PTGER3: variants seen among roughly 807,000 people sequenced by gnomAD.
PTGER3 encodes the protein prostaglandin E receptor 3.
A neutral mutation model predicts 34.7 loss-of-function variants in PTGER3; 22 were observed. That is an observed-to-expected ratio of 0.63 (90% confidence interval 0.45 to 0.91). The LOEUF (loss-of-function observed/expected upper bound fraction) is 0.91. Ranked by LOEUF, PTGER3 falls within the 40% of genes least tolerant of loss-of-function variation. PTGER3 has a pLI of 0.00. For synonymous variants in PTGER3, 241 were observed against 230.1 expected, an observed-to-expected ratio of 1.05 and a Z score of -0.43; for missense variants, 468 against 519.4, an observed-to-expected ratio of 0.90 and a Z score of 0.96.
chr1:71,028,808 A>G (rs1489845453), intron 1 of PTGER3, among the ~76,000 whole-genome samples: 1 of 152,220 alleles, frequency 6.6e-6, no homozygotes, highest in Admixed American at 6.5e-5. Flanking sequence ...CTTCTCTAGA[A>G]TTTTTATTAC....
intron 1 of PTGER3, among the ~76,000 whole-genome samples, chr1:71,030,809 A>T (rs1572979254): frequency 1.3e-5 from 2 of 151,846 alleles, no homozygotes; most frequent in East Asian, 3.9e-4. Context: ...CCATCACCAT[A>T]ATTATCTGAC....
rs570448402 is a variant in PTGER3, at chr1:70,945,636, TAAG to T, written c.*23+8124_*23+8126del. Among the ~76,000 whole-genome samples the T allele has an allele frequency of 8.4e-3, 1,281 of 152,258 alleles. 11 individuals carry two copies. Among genetic ancestry groups the T allele is most frequent in the Non-Finnish European group, 0.014 (927 of 67,992 alleles). On this transcript the variant is annotated intron_variant, in intron 4 of 4. Coordinates refer to the PTGER3 transcript ENST00000370931. ...TGCTTAAATTTGCTTCATGTCAAGT[TAAG>T]AAGAAAACACTCATAAAACAGCCAT...
At chr1:71,024,698 G>A (rs1408342562) in intron 1 of PTGER3, among the ~76,000 whole-genome samples, 1 of 140,126 alleles carries the variant, frequency 7.1e-6, no homozygotes, top group Non-Finnish European at 1.5e-5. Flanking sequence ...GGGATTACAG[G>A]TGCCCGCCAC....
chr1:70,931,931 T>G (rs959394155), intron 4 of PTGER3, among the ~76,000 whole-genome samples: 13 of 152,090 alleles, frequency 8.5e-5, no homozygotes, highest in African/African-American at 2.9e-4. Flanking sequence ...AAAAACTGGG[T>G]TTTTCTTTTC....
chr1:71,007,327 C>T (rs1182087049), intron 2 of PTGER3: 1 of 985,632 alleles, frequency 1.0e-6, no homozygotes, highest in African/African-American at 1.7e-5. Flanking sequence ...TGTACAAAAA[C>T]ATTTGATAAG....
intron 2 of PTGER3, among the ~76,000 whole-genome samples, chr1:71,000,512 T>C (rs1235942546): frequency 1.3e-5 from 2 of 152,196 alleles, no homozygotes; most frequent in Admixed American, 1.3e-4. Context: ...CATCCTTTAC[T>C]ATTAAGAAGC....
intron 1 of PTGER3, among the ~76,000 whole-genome samples, chr1:71,024,342 A>G (rs564190114): frequency 2.0e-5 from 3 of 152,300 alleles, no homozygotes; most frequent in African/African-American, 7.2e-5. Flanking sequence ...GACAAAAGCA[A>G]GCCTTAATAC....
chr1:70,971,007 C>T lies in PTGER3; in HGVS notation c.*723G>A. ...CTAACTGCGCAGCTAATCATTCAAC[C>T]TCAAATTTGTTTTTTATGACACTCC... On this transcript the variant is annotated 3_prime_UTR_variant, in exon 4 of 4. Coordinates refer to ENST00000306666, the MANE Select transcript of PTGER3 (RefSeq NM_198719.2). 1.0e-6 allele frequency: 1 copy of T among 985,340 alleles called. No individual in the cohort carries two copies. Among genetic ancestry groups the T allele is most frequent in the South Asian group, 4.7e-5 (1 of 21,286 alleles). The allele number at this position is 985,340 out of a possible 1,614,324, so 61.0% of individuals were successfully genotyped here.
intron 4 of PTGER3, among the ~76,000 whole-genome samples, chr1:70,853,101 A>G (rs879476324): frequency 2.6e-5 from 4 of 152,202 alleles, no homozygotes; most frequent in Non-Finnish European, 5.9e-5. Flanking sequence ...TTCTACAAAC[A>G]TCTACTAAAA....
intron 4 of PTGER3, among the ~76,000 whole-genome samples, chr1:70,881,992 A>C (rs1198398158): frequency 6.6e-6 from 1 of 152,034 alleles, no homozygotes; most frequent in Non-Finnish European, 1.5e-5. Flanking sequence ...GGGCAACAGG[A>C]AGCTGCACCT....
intron 4 of PTGER3, among the ~76,000 whole-genome samples, chr1:70,946,618 T>C (rs1361938314): frequency 6.6e-6 from 1 of 152,186 alleles, no homozygotes; most frequent in African/African-American, 2.4e-5. Context: ...AGTTAGTCCG[T>C]TGCTGTAAAG....
Position 71,047,094 on chromosome 1 carries a change from G to A in PTGER3, c.484C>T (p.Pro162Ser), listed in dbSNP as rs1177109819. 6.2e-7 allele frequency: 1 copy of A among 1,608,338 alleles called. No homozygotes were observed. The highest frequency in any genetic ancestry group is 1.1e-5 in the South Asian group (1 of 90,774). Residue 162 changes from proline to serine, a missense_variant, in exon 1 of 4, where the codon CCG becomes TCG. By Grantham distance (74) the Pro-to-Ser change is moderately conservative. This residue lies in a region of PTGER3 where 204 missense variants were observed against 230.8 expected (regional missense o/e 0.88). Coordinates refer to ENST00000306666, the MANE Select transcript of PTGER3 (RefSeq NM_198719.2). ...TTCATGTGGCTCGCATACCAGTGCGGCGCCCTGATGGCCAGCGCCCGCTCG... is the reference window on the plus strand; with the variant it reads ...TTCATGTGGCTCGCATACCAGTGCGACGCCCTGATGGCCAGCGCCCGCTCG... ...AVERALAIRA[P>S]HWYASHMKTR...
chr1:70,897,597 A>T (rs1402385604), intron 4 of PTGER3, among the ~76,000 whole-genome samples: 1 of 152,152 alleles, frequency 6.6e-6, no homozygotes, highest in Admixed American at 6.6e-5. Flanking sequence ...CCAAACTGGC[A>T]TATATCATAG....
chr1:70,898,705 G>A (rs574448466), intron 4 of PTGER3, among the ~76,000 whole-genome samples: 1 of 152,238 alleles, frequency 6.6e-6, no homozygotes, highest in East Asian at 1.9e-4. Flanking sequence ...TGTGAAATGA[G>A]GGTAATAATA....
At position 70,964,227 on chromosome 1, in the gene PTGER3, C is replaced by A. The variant is rs1052629869; in HGVS notation, c.1078-10438G>T. Among the ~76,000 whole-genome samples the A allele has an allele frequency of 3.9e-5, 6 of 152,178 alleles. 1 individual carries two copies. Among genetic ancestry groups the A allele is most frequent in the Admixed American group, 3.9e-4 (6 of 15,276 alleles). On this transcript the variant is annotated intron_variant, in intron 2 of 3. Transcript: ENST00000356595. ...AATTCTCTAGGAAGTTCCAAACTTT[C>A]CCACATTTTCCTATCTTCTGAGCCC...
intron 2 of PTGER3, chr1:71,006,498 G>T (rs996401781): frequency 1.0e-6 from 1 of 985,232 alleles, no homozygotes; most frequent in African/African-American, 1.7e-5. Context: ...TCTTATTTTG[G>T]CTGCCTGTAA....
chr1:70,889,192 G>T (rs950126726), intron 4 of PTGER3, among the ~76,000 whole-genome samples: 9 of 151,770 alleles, frequency 5.9e-5, no homozygotes, highest in Non-Finnish European at 1.3e-4. Flanking sequence ...GAGGTGGGTG[G>T]ATCACGAGTT....
At chr1:70,944,725 G>T (rs1650064039) in intron 4 of PTGER3, among the ~76,000 whole-genome samples, 1 of 152,072 alleles carries the variant, frequency 6.6e-6, no homozygotes, top group Non-Finnish European at 1.5e-5. Flanking sequence ...GAGACTGAAT[G>T]AAGATGAAAA....
intron 2 of PTGER3, among the ~76,000 whole-genome samples, chr1:70,996,172 G>C (rs556018982): frequency 1.3e-5 from 2 of 152,238 alleles, no homozygotes; most frequent in South Asian, 4.1e-4. Flanking sequence ...AATGATGCCA[G>C]AAATTTCAGC....
Sources: gnomAD v4.1 joint callset for allele counts (sites outside exome capture counted in the v4.1 genomes callset) on GRCh38, gnomAD v4.1.1 for gene constraint, gnomAD v4.1.1 regional missense constraint, MANE v1.5 for transcripts, NCBI Gene and HGNC (gene_info 2026-07-23, HGNC 2026-07-21) for gene names.